Variants in NOTCH2NLC observed in about 807,000 individuals in gnomAD.
NOTCH2NLC encodes notch homolog 2 N-terminal-like protein C.
In NOTCH2NLC, 4 loss-of-function variants were observed where a neutral mutation model predicts 17.7. The observed-to-expected ratio is 0.23, with a 90% CI of 0.11 to 0.52. NOTCH2NLC has a LOEUF of 0.52. Ranked by LOEUF, NOTCH2NLC falls within the 20% of genes least tolerant of loss-of-function variation. NOTCH2NLC has a pLI of 0.96. For synonymous variants in NOTCH2NLC, 18 were observed against 86.0 expected, an observed-to-expected ratio of 0.21 and a Z score of 4.38; for missense variants, 57 against 207.2, an observed-to-expected ratio of 0.28 and a Z score of 4.45.
rs2084681843 is a variant in NOTCH2NLC, at chr1:149,466,194, G to C, written c.*2041G>C. 1 of 131,602 alleles carries C rather than the reference G, an allele frequency of 7.6e-6. No homozygotes were observed. The highest frequency in any genetic ancestry group is 1.6e-5 in the Non-Finnish European group (1 of 61,076). The allele number at this position is 131,602 out of a possible 1,614,324, so 8.2% of individuals were successfully genotyped here. ...TTAAAAATATATGTTCATGTTATAA[G>C]AAAACCAAGACACTCCTAATTATAA... On this transcript the variant is annotated 3_prime_UTR_variant, in exon 5 of 5. Coordinates refer to ENST00000650865, the MANE Select transcript of NOTCH2NLC (RefSeq NM_001364013.2).
rs1249296735 is a variant in NOTCH2NLC at position 149,464,742 on chromosome 1, A to T, written c.*589A>T. ...TAAGCAACAAAGATCCTGTTTTTATACAAATATCCTTAGTACAAAAACAAA... is the reference window on the plus strand; with the variant it reads ...TAAGCAACAAAGATCCTGTTTTTATTCAAATATCCTTAGTACAAAAACAAA... On this transcript the variant is annotated 3_prime_UTR_variant, in exon 5 of 5. Coordinates refer to ENST00000650865, the MANE Select transcript of NOTCH2NLC (RefSeq NM_001364013.2). 2 of 150,500 alleles carry T rather than the reference A, an allele frequency of 1.3e-5. No individual in the cohort carries two copies. The highest frequency in any genetic ancestry group is 4.9e-5 in the African/African-American group (2 of 41,000). The allele number at this position is 150,500 out of a possible 1,614,324, so 9.3% of individuals were successfully genotyped here.
In NOTCH2NLC at chr1:149,442,090, A is replaced by T. The variant is rs1434277234; in HGVS notation, c.209+11075A>T. Among the ~76,000 whole-genome samples, 19 of 150,568 alleles carry T rather than the reference A, an allele frequency of 1.3e-4. 3 individuals are homozygous for T. In the East Asian group the frequency reaches 3.4e-3, roughly 27 times the overall value. ...ATAACTAATCAGCAGGTCAGATTCC[A>T]TCGAGGCTGAAATACCTACCTCCAT... is the stretch of plus-strand genomic sequence containing the variant. On this transcript the variant is annotated intron_variant, in intron 2 of 4. Coordinates refer to ENST00000650865, the MANE Select transcript of NOTCH2NLC (RefSeq NM_001364013.2).
At chr1:149,461,089 G>A (rs2084647508) in intron 3 of NOTCH2NLC, among the ~76,000 whole-genome samples, 1 of 150,120 alleles carries the variant, frequency 6.7e-6, no homozygotes, top group Admixed American at 6.7e-5. Context: ...TATGTGCTAT[G>A]AAGCCCGGCA....
chr1:149,426,556 A>G (rs2084413935), intron 1 of NOTCH2NLC, among the ~76,000 whole-genome samples: 1 of 140,198 alleles, frequency 7.1e-6, no homozygotes, highest in African/African-American at 2.6e-5. Flanking sequence ...ATGAGATTGA[A>G]ATCTACTACT....
intron 1 of NOTCH2NLC, among the ~76,000 whole-genome samples, chr1:149,413,658 T>C (rs2084312002): frequency 6.6e-6 from 1 of 151,110 alleles, no homozygotes; most frequent in Non-Finnish European, 1.5e-5. Context: ...GTTCCTCATT[T>C]TGTTCCTGCT....
rs1395114216 is a variant in NOTCH2NLC at position 149,466,006 on chromosome 1, T to A, written c.*1853T>A. 2 of 38,114 alleles carry A rather than the reference T, an allele frequency of 5.2e-5. No homozygotes were observed. Among genetic ancestry groups the A allele is most frequent in the Non-Finnish European group, 1.1e-4 (2 of 18,782 alleles). The allele number at this position is 38,114 out of a possible 1,614,324, so 2.4% of individuals were successfully genotyped here. On this transcript the variant is annotated 3_prime_UTR_variant, in exon 5 of 5. Transcript: ENST00000650865. ...ATGTTAAGTGATTCACCCAAAGTTG[T>A]ACAGCTAATATGTGGTTAGGCTGGG...
intron 2 of NOTCH2NLC, among the ~76,000 whole-genome samples, chr1:149,448,699 CTG>C (rs2084569576): frequency 6.6e-6 from 1 of 150,610 alleles, no homozygotes; most frequent in South Asian, 2.1e-4. Context: ...TGGTTCAGCT[CTG>C]TGCTGCACTG....
Position 149,464,691 on chromosome 1 carries a change from A to G in NOTCH2NLC, c.*538A>G, listed in dbSNP as rs1324586410. 2.7e-5 allele frequency: 4 copies of G among 150,518 alleles called. No individual in the cohort carries two copies. Among genetic ancestry groups the G allele is most frequent in the Admixed American group, 2.7e-4 (4 of 15,080 alleles). The allele number at this position is 150,518 out of a possible 1,614,324, so 9.3% of individuals were successfully genotyped here. On this transcript the variant is annotated 3_prime_UTR_variant, in exon 5 of 5. Transcript: ENST00000650865. ...CAAGAATTTTGATTGGGAACAGAAT[A>G]CAAGCAGCTGAAGCAGATGAATTAC...
At chr1:149,412,168 T>C (rs1455978500) in intron 1 of NOTCH2NLC, among the ~76,000 whole-genome samples, 2 of 149,336 alleles carry the variant, frequency 1.3e-5, no homozygotes, top group Admixed American at 6.7e-5. Flanking sequence ...TGGGCCTGTC[T>C]AATTGCAAAG....
intron 1 of NOTCH2NLC, chr1:149,408,754 CACAACAGTGTATTTTAT>C: frequency 1.5e-6 from 1 of 683,346 alleles, no homozygotes; most frequent in Non-Finnish European, 1.8e-6. Flanking sequence ...CTTGTCTTTC[CACAACAGTGTATTTTAT>C]AAGTTGTACC....
Position 149,467,432 on chromosome 1 carries a change from T to A in NOTCH2NLC, c.*3279T>A. 6.9e-6 allele frequency: 1 copy of A among 145,162 alleles called. No homozygotes were observed. The highest frequency in any genetic ancestry group is 2.4e-4 in the South Asian group (1 of 4,224). 9.0% of individuals were successfully genotyped at this position (145,162 alleles called of 1,614,324 possible). On this transcript the variant is annotated 3_prime_UTR_variant, in exon 5 of 5. Coordinates refer to ENST00000650865, the MANE Select transcript of NOTCH2NLC (RefSeq NM_001364013.2). The stretch of plus-strand genomic sequence containing the variant: ...ATTAAAACTACAAAAATGACGCGTC[T>A]TGTATGACACAGAAAGAAATGTTTC...
At chr1:149,423,205 A>G (rs1414834912) in intron 1 of NOTCH2NLC, among the ~76,000 whole-genome samples, 1 of 148,772 alleles carries the variant, frequency 6.7e-6, no homozygotes, top group Non-Finnish European at 1.5e-5. Context: ...TTGGAACACT[A>G]TTAGGAAAAC....
At chr1:149,396,004 G>A (rs1481633206) in intron 1 of NOTCH2NLC, among the ~76,000 whole-genome samples, 2 of 151,116 alleles carry the variant, frequency 1.3e-5, no homozygotes, top group African/African-American at 4.9e-5. Flanking sequence ...TGTCTGGCAT[G>A]TGCCCGAAAT....
intron 1 of NOTCH2NLC, among the ~76,000 whole-genome samples, chr1:149,412,123 A>G (rs1482424473): frequency 6.9e-6 from 1 of 144,912 alleles, no homozygotes; most frequent in South Asian, 2.2e-4. Flanking sequence ...CTCCAAAAAA[A>G]AAAAAAACAA....
At position 149,419,640 on chromosome 1, in the gene NOTCH2NLC, ATGGAGT is replaced by A. The variant is rs1276862573; in HGVS notation, c.136-11296_136-11291del. Among the ~76,000 whole-genome samples the A allele has an allele frequency of 2.7e-5, 4 of 148,988 alleles. No individual in the cohort carries two copies. The East Asian group carries it at 6.0e-4, about 22-fold the overall frequency. ...AAGAATATGAGTAATCAAAAGGCTG[ATGGAGT>A]TGGAGGACTGGCGTTTTTAAGAGGA... On this transcript the variant is annotated intron_variant, in intron 1 of 4. Coordinates refer to ENST00000650865, the MANE Select transcript of NOTCH2NLC (RefSeq NM_001364013.2).
intron 1 of NOTCH2NLC, among the ~76,000 whole-genome samples, chr1:149,392,883 A>G: frequency 6.6e-6 from 1 of 150,550 alleles, no homozygotes; most frequent in East Asian, 2.0e-4. Flanking sequence ...CATCCCGGCT[A>G]AAACGGTGAA....
chr1:149,393,069 CAAAAAAAA>C (rs1158506660), intron 1 of NOTCH2NLC, among the ~76,000 whole-genome samples: 2 of 43,086 alleles, frequency 4.6e-5, no homozygotes, highest in Admixed American at 2.0e-4. Flanking sequence ...GACTCCGTCT[CAAAAAAAA>C]AAAAAAAAAA....
intron 3 of NOTCH2NLC, among the ~76,000 whole-genome samples, chr1:149,461,845 A>C: frequency 6.8e-6 from 1 of 147,758 alleles, no homozygotes; most frequent in Non-Finnish European, 1.5e-5. Context: ...ACATGGATGA[A>C]GCTGGAAACC....
intron 3 of NOTCH2NLC, among the ~76,000 whole-genome samples, chr1:149,460,615 G>A (rs1431778690): frequency 6.7e-6 from 1 of 149,854 alleles, no homozygotes; most frequent in African/African-American, 2.5e-5. Flanking sequence ...GGGATTACAG[G>A]TGTGAGCCAC....
Sources: allele counts gnomAD v4.1 joint callset (sites outside exome capture counted in the v4.1 genomes callset), GRCh38; gene constraint gnomAD v4.1.1; transcripts MANE v1.5; gene names NCBI Gene and HGNC (gene_info 2026-07-23, HGNC 2026-07-21).